Variants in ABL2 observed in about 807,000 individuals in gnomAD.
ABL2 encodes ABL proto-oncogene 2, non-receptor tyrosine kinase, also known as tyrosine-protein kinase ABL2.
In ABL2, 49 loss-of-function variants were observed where a neutral mutation model predicts 107.7. The ratio of observed to expected loss-of-function variants is 0.45; its 90% confidence interval spans 0.36 to 0.58. The LOEUF is 0.58. Among genes scored for constraint, ABL2 ranks in the 20% least tolerant of loss-of-function variants. The probability of loss-of-function intolerance (pLI) is 0.00; values close to 1 mark genes in which losing one functional copy is unlikely to be tolerated. For synonymous variants in ABL2, 549 were observed against 548.6 expected (o/e 1.00, Z -0.01); for missense variants, 1,245 against 1,457.0 (o/e 0.85, Z 2.37).
intron 1 of ABL2, among the ~76,000 whole-genome samples, chr1:179,208,158 T>A (rs1054276870): frequency 6.6e-6 from 1 of 152,162 alleles, no homozygotes; most frequent in East Asian, 1.9e-4. Flanking sequence ...ATATATATAT[T>A]TTTTCAACTT....
chr1:179,174,762 G>A (rs935516847), intron 1 of ABL2, among the ~76,000 whole-genome samples: 8 of 151,288 alleles, frequency 5.3e-5, no homozygotes, highest in Non-Finnish European at 1.2e-4. Context: ...CAAAGTGTTG[G>A]CACGCACCTG....
chr1:179,145,256 T>C (rs1571193232), intron 1 of ABL2, among the ~76,000 whole-genome samples: 2 of 152,170 alleles, frequency 1.3e-5, no homozygotes, highest in Non-Finnish European at 2.9e-5. Flanking sequence ...ATTATGAATA[T>C]ATTTAATCCT....
intron 4 of ABL2, among the ~76,000 whole-genome samples, chr1:179,125,691 G>C (rs6696018): frequency 0.013 from 2,004 of 152,302 alleles, 42 homozygotes; most frequent in African/African-American, 0.046. Context: ...ATTACAGACA[G>C]GGAAATTGAG....
At position 179,099,697 on chromosome 1, in the gene ABL2, A is replaced by C. The variant is rs1346694330; in HGVS notation, c.*8021T>G. On this transcript the variant is annotated 3_prime_UTR_variant, in exon 12 of 12. Transcript: ENST00000502732. ...CCTGCGGGGCGGGACCTTTGGTATAAACGTTCAACGAGTTTTAAAGAATTG... is the reference window on the plus strand; with the variant it reads ...CCTGCGGGGCGGGACCTTTGGTATACACGTTCAACGAGTTTTAAAGAATTG... The C allele has an allele frequency of 4.3e-6, 1 of 230,918 alleles. No homozygotes were observed. The highest frequency in any genetic ancestry group is 6.1e-5 in the East Asian group (1 of 16,276). 14.3% of individuals were successfully genotyped at this position (230,918 alleles called of 1,614,324 possible).
At chr1:179,154,121 C>T (rs1275531167) in intron 1 of ABL2, among the ~76,000 whole-genome samples, 1 of 152,150 alleles carries the variant, frequency 6.6e-6, no homozygotes, top group Non-Finnish European at 1.5e-5. Context: ...AATTCAGCTC[C>T]TCATTATTTC....
At chr1:179,229,044 C>T (rs1002947688) in intron 1 of ABL2, among the ~76,000 whole-genome samples, 197 bp downstream of exon 1, 2 of 152,164 alleles carry the variant, frequency 1.3e-5, no homozygotes, top group Non-Finnish European at 2.9e-5. Context: ...CCGGGATCTG[C>T]CAGCCAGGCT....
chr1:179,110,195 A>G (rs1041793911), intron 11 of ABL2, 87 bp downstream of exon 11: 1 of 1,491,290 alleles, frequency 6.7e-7, no homozygotes. Flanking sequence ...GAGGACGGGC[A>G]TGAAAGTGGA....
chr1:179,106,264 C>A lies in ABL2; in HGVS notation c.*1454G>T, dbSNP rs1044435891. The A allele has an allele frequency of 2.2e-5, 5 of 227,880 alleles. No individual in the cohort carries two copies. The highest frequency in any genetic ancestry group is 4.4e-5 in the Non-Finnish European group (5 of 114,882). The allele number at this position is 227,880 out of a possible 1,614,324, so 14.1% of individuals were successfully genotyped here. On this transcript the variant is annotated 3_prime_UTR_variant, in exon 12 of 12. Transcript: ENST00000502732. The stretch of plus-strand genomic sequence containing the variant: ...CTCATTAGATTCACTTCCATGCCAT[C>A]CTAATTAGCTTCCACAATTATAACT...
chr1:179,185,058 T>A (rs1660606240), intron 1 of ABL2, among the ~76,000 whole-genome samples: 1 of 152,236 alleles, frequency 6.6e-6, no homozygotes, highest in Non-Finnish European at 1.5e-5. Context: ...TAGCTTCTTT[T>A]CTCCTTTCTC....
intron 1 of ABL2, among the ~76,000 whole-genome samples, chr1:179,167,122 C>A (rs1217323093): frequency 6.6e-6 from 1 of 152,110 alleles, no homozygotes; most frequent in Non-Finnish European, 1.5e-5. Context: ...CAGCATTATA[C>A]ACAATAGGAA....
intron 1 of ABL2, among the ~76,000 whole-genome samples, chr1:179,200,046 T>C (rs1323095627): frequency 8.6e-6 from 1 of 116,124 alleles, no homozygotes; most frequent in African/African-American, 3.3e-5. Context: ...TGCCTTTTTT[T>C]TTTTTTTTTT....
chr1:179,170,565 C>T (rs1014482661), intron 1 of ABL2, among the ~76,000 whole-genome samples: 5 of 151,782 alleles, frequency 3.3e-5, no homozygotes, highest in Non-Finnish European at 7.4e-5. Flanking sequence ...TACAGGCCCA[C>T]GTCACCATGC....
intron 1 of ABL2, among the ~76,000 whole-genome samples, chr1:179,155,988 T>C (rs1658665476): frequency 6.6e-6 from 1 of 152,176 alleles, no homozygotes; most frequent in Non-Finnish European, 1.5e-5. Context: ...TGTGTGGGTA[T>C]TCATTAGGAA....
chr1:179,109,577 A>G (rs1348413433), intron 11 of ABL2, 136 bp from the exon 12 acceptor site: 10 of 1,339,582 alleles, frequency 7.5e-6, no homozygotes, highest in Non-Finnish European at 8.9e-6. Context: ...AGCAAATAAT[A>G]AATACATTAT....
chr1:179,162,281 C>T (rs973312469), intron 1 of ABL2, among the ~76,000 whole-genome samples: 3 of 152,178 alleles, frequency 2.0e-5, no homozygotes, highest in African/African-American at 4.8e-5. Context: ...AATATATTCA[C>T]GTTCCTAGAA....
intron 1 of ABL2, among the ~76,000 whole-genome samples, chr1:179,144,441 C>A: frequency 6.6e-6 from 1 of 152,062 alleles, no homozygotes; most frequent in Non-Finnish European, 1.5e-5. Flanking sequence ...GCCTGGGCGA[C>A]AGAGCGAGAC....
chr1:179,174,903 AAAAAATAAAAT>A (rs1557975096), intron 1 of ABL2, among the ~76,000 whole-genome samples: 3 of 127,678 alleles, frequency 2.3e-5, no homozygotes, highest in African/African-American at 5.9e-5. Flanking sequence ...CTCAAAAAAA[AAAAAATAAAAT>A]AAAAAAAATA....
At chr1:179,155,085 T>C (rs986932322) in intron 1 of ABL2, among the ~76,000 whole-genome samples, 25 of 152,240 alleles carry the variant, frequency 1.6e-4, no homozygotes, top group Admixed American at 1.5e-3. Flanking sequence ...TTCAAAACAC[T>C]AGGTCTTTTC....
intron 1 of ABL2, among the ~76,000 whole-genome samples, chr1:179,136,066 C>A (rs1656922337): frequency 6.7e-6 from 1 of 148,842 alleles, no homozygotes; most frequent in Non-Finnish European, 1.5e-5. Context: ...CGGCCAGCCG[C>A]CCCGTCCAGG....
Sources: gnomAD v4.1 joint callset for allele counts (sites outside exome capture counted in the v4.1 genomes callset) on GRCh38, gnomAD v4.1.1 for gene constraint, MANE v1.5 for transcripts, NCBI Gene and HGNC (gene_info 2026-07-23, HGNC 2026-07-21) for gene names.